Variants in ABAT observed in about 807,000 individuals in gnomAD.
ABAT encodes the protein 4-aminobutyrate aminotransferase, mitochondrial.
Under a neutral mutation model 64.6 loss-of-function variants are expected in ABAT, and 45 were observed. The observed-to-expected ratio is 0.70, with a 90% CI of 0.55 to 0.89. ABAT has a LOEUF of 0.89. Among genes scored for constraint, ABAT ranks in the 40% least tolerant of loss-of-function variants. The pLI is 0.00. For synonymous variants in ABAT, 297 were observed against 250.5 expected, an observed-to-expected ratio of 1.19 and a Z score of -1.75; for missense variants, 633 against 658.4, an observed-to-expected ratio of 0.96 and a Z score of 0.42.
Position 8,740,985 on chromosome 16 carries a change from C to G in ABAT, c.71-5016C>G, listed in dbSNP as rs1422380938. Among the ~76,000 whole-genome samples the G allele has an allele frequency of 3.3e-5, 5 of 152,194 alleles. No homozygotes were observed. The South Asian group carries it at 1.0e-3, about 31-fold the overall frequency. ...GTACAGAGCTTTGGCTGTTTGGGAACACGACATTCGTTTATCACTCTCGGT... is the reference window on the plus strand; with the variant it reads ...GTACAGAGCTTTGGCTGTTTGGGAAGACGACATTCGTTTATCACTCTCGGT... On this transcript the variant is annotated intron_variant, in intron 2 of 15. Transcript: ENST00000268251.
chr16:8,678,844 T>A (rs560193892), intron 1 of ABAT, among the ~76,000 whole-genome samples: 5 of 152,336 alleles, frequency 3.3e-5, no homozygotes, highest in African/African-American at 1.2e-4. Flanking sequence ...GTGAAAAAGA[T>A]AAAGTCACAG....
chr16:8,702,878 G>A (rs1037343662), intron 1 of ABAT, among the ~76,000 whole-genome samples: 3 of 152,142 alleles, frequency 2.0e-5, no homozygotes, highest in African/African-American at 4.8e-5. Context: ...TTAGGACACG[G>A]CGGGAGCCCT....
intron 2 of ABAT, among the ~76,000 whole-genome samples, chr16:8,737,665 A>G (rs949326418): frequency 1.3e-5 from 2 of 150,780 alleles, no homozygotes; most frequent in African/African-American, 2.4e-5. Flanking sequence ...GCTCACGCCT[A>G]TAATGCCAGC....
intron 5 of ABAT, among the ~76,000 whole-genome samples, chr16:8,751,993 C>T (rs1315787785): frequency 2.0e-5 from 3 of 152,184 alleles, no homozygotes; most frequent in Non-Finnish European, 4.4e-5. Flanking sequence ...GAAGCCTGTC[C>T]CTTCACAGGT....
In ABAT at chr16:8,781,587, G is replaced by T; in HGVS notation, c.*157G>T. The stretch of plus-strand genomic sequence containing the variant: ...AGCATTTTTGGTGGTCTTGGGGGAG[G>T]GGAGGGGAGGGAAGGGCTGGTGTTG... On this transcript the variant is annotated 3_prime_UTR_variant, in exon 16 of 16. Transcript: ENST00000268251. The surrounding 1 kb of genome is among the most constrained non-coding windows in gnomAD (Gnocchi z 4.5). The T allele has an allele frequency of 2.2e-6, 2 of 912,786 alleles. No individual in the cohort carries two copies. The highest frequency in any genetic ancestry group is 2.0e-5 in the Admixed American group (1 of 49,808). The allele number at this position is 912,786 out of a possible 1,614,324, so 56.5% of individuals were successfully genotyped here.
At chr16:8,709,905 C>T (rs1333423391) in intron 1 of ABAT, among the ~76,000 whole-genome samples, 1 of 151,794 alleles carries the variant, frequency 6.6e-6, no homozygotes, top group Non-Finnish European at 1.5e-5. Flanking sequence ...TCTCGGTTCT[C>T]AAGCCATCCT....
chr16:8,739,788 TCA>T (rs1755074867), intron 2 of ABAT, among the ~76,000 whole-genome samples: 2 of 151,964 alleles, frequency 1.3e-5, no homozygotes, highest in Non-Finnish European at 2.9e-5. Flanking sequence ...AATGGCTAAA[TCA>T]CAGAGTTTCT....
At chr16:8,749,386 CTTTTTTTTTTTTTTTTT>C (rs1160144275) in intron 4 of ABAT, among the ~76,000 whole-genome samples, 6 of 32,018 alleles carry the variant, frequency 1.9e-4, no homozygotes, top group African/African-American at 5.4e-4. Flanking sequence ...CGCACCCGGC[CTTTTTTTTTTTTTTTTT>C]TTTTTTTTTT....
In ABAT at chr16:8,755,036, T is replaced by C. The variant is rs113366014; in HGVS notation, c.317-2721T>C. On this transcript the variant is annotated intron_variant, in intron 5 of 15. Transcript: ENST00000268251. ...AAACTCGAGAATTTCTGTTAGTTAC[T>C]GGCTTCTTACTCTTTGGGGCACAGT... Among the ~76,000 whole-genome samples, 651 of 152,326 alleles carry C rather than the reference T, an allele frequency of 4.3e-3. 5 individuals carry two copies. The highest frequency in any genetic ancestry group is 0.01 in the South Asian group (49 of 4,830).
At chr16:8,745,743 G>T (rs571951073) in intron 2 of ABAT, among the ~76,000 whole-genome samples, 2 of 152,294 alleles carry the variant, frequency 1.3e-5, no homozygotes, top group East Asian at 1.9e-4. Flanking sequence ...GCATCAGCTT[G>T]TACTCATGCC....
chr16:8,712,345 T>G (rs1165233293), intron 1 of ABAT, among the ~76,000 whole-genome samples: 1 of 152,214 alleles, frequency 6.6e-6, no homozygotes, highest in African/African-American at 2.4e-5. Flanking sequence ...CAGTTAACTT[T>G]GAAATGCATC....
chr16:8,767,741 A>G (rs1203274770), intron 9 of ABAT, among the ~76,000 whole-genome samples: 1 of 152,032 alleles, frequency 6.6e-6, no homozygotes, highest in Non-Finnish European at 1.5e-5. Flanking sequence ...AGTGGCGCGA[A>G]CTCGGCTCAC....
chr16:8,774,152 A>G (rs945914731), intron 12 of ABAT, among the ~76,000 whole-genome samples: 28 of 152,108 alleles, frequency 1.8e-4, no homozygotes, highest in Non-Finnish European at 2.4e-4. Context: ...TGATTGGCTC[A>G]GACTCCTGGC....
Position 8,763,104 on chromosome 16 carries a change from CAAAAA to C in ABAT, c.367-951_367-947del, listed in dbSNP as rs60199249. Among the ~76,000 whole-genome samples, 12 of 117,548 alleles carry C rather than the reference CAAAAA, an allele frequency of 1.0e-4. No individual in the cohort carries two copies. In the East Asian group the frequency reaches 1.5e-3, roughly 15 times the overall value. 77.1% of individuals were successfully genotyped at this position (117,548 alleles called of 152,430 possible). ...AACCTGAGAGAGCAAGACCCTGTAA[CAAAAA>C]AAAAAAAAAAAAAGCCCTTCCAGGC... On this transcript the variant is annotated intron_variant, in intron 6 of 15. Coordinates refer to ENST00000268251, the MANE Select transcript of ABAT (RefSeq NM_020686.6).
Position 8,689,063 on chromosome 16 carries a change from G to C in ABAT, c.-42+14352G>C, listed in dbSNP as rs1265528814. ...CCACTGCACTCCAGCCTGGGTGATA[G>C]AGTGAGACCCTGTCTCAAAAAAAAA... On this transcript the variant is annotated intron_variant, in intron 1 of 15. Transcript: ENST00000268251. 2.0e-5 allele frequency among the ~76,000 whole-genome samples: 3 copies of C among 149,134 alleles called. No homozygotes were observed. The East Asian group carries it at 5.9e-4, about 29-fold the overall frequency.
intron 5 of ABAT, among the ~76,000 whole-genome samples, chr16:8,752,958 G>T (rs1015048796): frequency 6.6e-6 from 1 of 152,150 alleles, no homozygotes; most frequent in Admixed American, 6.5e-5. Context: ...CCTTGGAGTA[G>T]GGTCTTCTAA....
intron 2 of ABAT, 57 bp downstream of exon 2, chr16:8,735,866 A>G (rs1287550068): frequency 2.3e-5 from 34 of 1,480,508 alleles, no homozygotes; most frequent in East Asian, 1.2e-4. Context: ...CATCCAGACT[A>G]GGGATTCCTG....
rs931708316 is a variant in ABAT at position 8,781,262 on chromosome 16, G to A, written c.1382-47G>A. On this transcript the variant is annotated intron_variant, in intron 15 of 15. Coordinates refer to ENST00000268251, the MANE Select transcript of ABAT (RefSeq NM_020686.6). This position sits in a 1 kb window ranked among gnomAD's most constrained non-coding sequence, Gnocchi z 4.5. ...ACTTTCCCCCCAGCTCTCCCAGCAT[G>A]TGACTTTGAGAAACCACGCTCCTCA... is the stretch of plus-strand genomic sequence containing the variant. The A allele has an allele frequency of 3.1e-6, 5 of 1,613,328 alleles. No individual in the cohort carries two copies. The highest frequency in any genetic ancestry group is 1.3e-5 in the African/African-American group (1 of 74,990).
At chr16:8,689,209 G>A (rs943377007) in intron 1 of ABAT, among the ~76,000 whole-genome samples, 2 of 152,124 alleles carry the variant, frequency 1.3e-5, no homozygotes, top group East Asian at 3.9e-4. Flanking sequence ...TATTGTATTA[G>A]GTAGAATCAT....
Sources: allele counts gnomAD v4.1 joint callset (sites outside exome capture counted in the v4.1 genomes callset), GRCh38; gene constraint gnomAD v4.1.1; non-coding constraint Gnocchi (gnomAD v3.1); transcripts MANE v1.5; gene names NCBI Gene and HGNC (gene_info 2026-07-23, HGNC 2026-07-21).